The following CSMD1 variants were observed in gnomAD, a reference collection of about 807,000 sequenced individuals.
CSMD1 encodes CUB and Sushi multiple domains 1, also known as CUB and sushi domain-containing protein 1.
Under a neutral mutation model 417.5 loss-of-function variants are expected in CSMD1, and 213 were observed. The ratio of observed to expected loss-of-function variants is 0.51; its 90% CI spans 0.46 to 0.57. The LOEUF (loss-of-function observed/expected upper bound fraction) is 0.57, where lower values mean the gene tolerates loss of function less well. CSMD1 is among the 20% of genes least tolerant of loss of function. The pLI is 0.00. For missense variants in CSMD1, 6,923 were observed against 4,529.7 expected (o/e 1.53, Z -15.17); for synonymous variants, 2,862 against 1,736.8 (o/e 1.65, Z -16.11).
intron 1 of CSMD1, among the ~76,000 whole-genome samples, chr8:4,910,898 C>G (rs957476737): frequency 6.6e-6 from 1 of 152,214 alleles, no homozygotes; most frequent in Admixed American, 6.5e-5. Context: ...GTGAAAGGGA[C>G]CCAGTGGGAG....
chr8:3,177,082 G>T (rs939169849), intron 37 of CSMD1, among the ~76,000 whole-genome samples: 2 of 152,112 alleles, frequency 1.3e-5, no homozygotes, highest in African/African-American at 4.8e-5. Context: ...CCAGCTTGGT[G>T]ACCTCATTTC....
At chr8:4,466,381 G>A (rs1016480795) in intron 2 of CSMD1, among the ~76,000 whole-genome samples, 1 of 152,090 alleles carries the variant, frequency 6.6e-6, no homozygotes, top group Non-Finnish European at 1.5e-5. Context: ...AGATGTATCG[G>A]GGAGTTGAAG....
chr8:3,697,155 G>T (rs1214455324), intron 7 of CSMD1, among the ~76,000 whole-genome samples: 1 of 152,048 alleles, frequency 6.6e-6, no homozygotes, highest in African/African-American at 2.4e-5. Flanking sequence ...TGGCTTTTTT[G>T]TTTTTGAAAC....
At chr8:3,662,740 C>G (rs979852070) in intron 7 of CSMD1, among the ~76,000 whole-genome samples, 1 of 152,054 alleles carries the variant, frequency 6.6e-6, no homozygotes, top group Non-Finnish European at 1.5e-5. Context: ...GACACAGGAA[C>G]AGAAAACCAA....
chr8:3,290,324 C>A lies in CSMD1; in HGVS notation c.3951-5978G>T, dbSNP rs538363563. Among the ~76,000 whole-genome samples the A allele has an allele frequency of 9.6e-5, 14 of 146,368 alleles. No homozygotes were observed. In the South Asian group the frequency reaches 2.9e-3, roughly 31 times the overall value. On this transcript the variant is annotated intron_variant, in intron 25 of 69. Transcript: ENST00000635120. ...TGGTGATTTGGGCTCTTTTTTGGTT[C>A]CATATGAACTTTAAAGTAGTTTTTT...
chr8:4,770,533 T>C (rs1301275160), intron 1 of CSMD1, among the ~76,000 whole-genome samples: 1 of 151,832 alleles, frequency 6.6e-6, no homozygotes, highest in African/African-American at 2.4e-5. Flanking sequence ...AAATCAAAAG[T>C]TGAAGGCATT....
intron 27 of CSMD1, among the ~76,000 whole-genome samples, chr8:3,224,846 G>C (rs752130934): frequency 3.3e-5 from 5 of 152,142 alleles, no homozygotes; most frequent in Non-Finnish European, 5.9e-5. Flanking sequence ...CTCACGGAAG[G>C]TGTGAAAACA....
intron 1 of CSMD1, among the ~76,000 whole-genome samples, chr8:4,966,579 T>C (rs1394896904): frequency 6.6e-6 from 1 of 152,146 alleles, no homozygotes; most frequent in African/African-American, 2.4e-5. Flanking sequence ...CACACTGACA[T>C]GCTAAATACA....
chr8:3,236,291 A>G (rs1035807181), intron 26 of CSMD1, among the ~76,000 whole-genome samples: 26 of 152,108 alleles, frequency 1.7e-4, no homozygotes, highest in African/African-American at 6.3e-4. Context: ...TATATTTTCA[A>G]AGGTTATTTA....
intron 41 of CSMD1, among the ~76,000 whole-genome samples, chr8:3,141,126 G>A (rs1818412850): frequency 6.6e-6 from 1 of 152,198 alleles, no homozygotes; most frequent in African/African-American, 2.4e-5. Context: ...GCTACATGAT[G>A]ATGAGACTCC....
chr8:3,427,822 A>C (rs1428633993), intron 12 of CSMD1, among the ~76,000 whole-genome samples: 1 of 152,244 alleles, frequency 6.6e-6, no homozygotes, highest in Non-Finnish European at 1.5e-5. Flanking sequence ...TAGAGGACCA[A>C]TTGCTTCCAG....
At chr8:4,763,388 G>T (rs534106688) in intron 1 of CSMD1, among the ~76,000 whole-genome samples, 12 of 152,208 alleles carry the variant, frequency 7.9e-5, no homozygotes, top group African/African-American at 2.9e-4. Context: ...AGGTTTTTAG[G>T]CAGTTAATTC....
At chr8:4,552,623 G>GA (rs568511660) in intron 2 of CSMD1, among the ~76,000 whole-genome samples, 10 of 148,466 alleles carry the variant, frequency 6.7e-5, no homozygotes, top group Admixed American at 1.3e-4. Context: ...TTCAATTGGG[G>GA]AAAAAAAAAA....
chr8:3,736,819 T>C (rs1422496619), intron 6 of CSMD1, among the ~76,000 whole-genome samples: 1 of 152,214 alleles, frequency 6.6e-6, no homozygotes, highest in Non-Finnish European at 1.5e-5. Context: ...GGCCCTGTTT[T>C]GTGAGGCTGC....
At chr8:3,087,770 G>A (rs919639956) in intron 48 of CSMD1, among the ~76,000 whole-genome samples, 6 of 152,192 alleles carry the variant, frequency 3.9e-5, no homozygotes, top group East Asian at 1.9e-4. Context: ...GGTCTAGAGG[G>A]ATCATTTTGA....
intron 59 of CSMD1, among the ~76,000 whole-genome samples, chr8:2,964,411 G>C (rs989477630): frequency 5.9e-5 from 9 of 152,182 alleles, no homozygotes; most frequent in African/African-American, 2.2e-4. Context: ...AATGTCCAGG[G>C]GGAGGCCCCA....
chr8:3,499,298 T>C (rs1328772594), intron 10 of CSMD1, among the ~76,000 whole-genome samples: 1 of 152,220 alleles, frequency 6.6e-6, no homozygotes, highest in Non-Finnish European at 1.5e-5. Flanking sequence ...TAGCCTTGGC[T>C]GCAGGTGTTT....
chr8:4,991,534 G>A (rs1292767801), intron 1 of CSMD1, among the ~76,000 whole-genome samples: 2 of 152,148 alleles, frequency 1.3e-5, no homozygotes, highest in Non-Finnish European at 2.9e-5. Flanking sequence ...CGCCACAGCG[G>A]GAGCCGCCAC....
intron 10 of CSMD1, among the ~76,000 whole-genome samples, chr8:3,532,588 T>C (rs1798028132): frequency 6.6e-6 from 1 of 152,192 alleles, no homozygotes; most frequent in Non-Finnish European, 1.5e-5. Flanking sequence ...AGTGATTGCA[T>C]TCATGCCGTT....
Sources: gnomAD v4.1 joint callset for allele counts (sites outside exome capture counted in the v4.1 genomes callset) on GRCh38, gnomAD v4.1.1 for gene constraint, MANE v1.5 for transcripts, NCBI Gene and HGNC (gene_info 2026-07-23, HGNC 2026-07-21) for gene names.